RGS7: variants seen among roughly 807,000 people sequenced by gnomAD.
RGS7 encodes regulator of G protein signaling 7, also known as regulator of G-protein signaling 7.
RGS7 carries 27 observed loss-of-function variants against 81.1 expected under a neutral mutation model. The observed-to-expected ratio is 0.33, with a 90% confidence interval of 0.25 to 0.46. RGS7 has a LOEUF of 0.46. Ranked by LOEUF, RGS7 falls within the 20% of genes least tolerant of loss-of-function variation. The probability of loss-of-function intolerance (pLI) is 1.00; values close to 1 mark genes in which losing one functional copy is unlikely to be tolerated. For missense variants in RGS7, 396 were observed against 607.4 expected (o/e 0.65, Z 3.66); for synonymous variants, 208 against 207.7 (o/e 1.00, Z -0.01).
chr1:241,022,757 G>A (rs2059603377), intron 3 of RGS7, among the ~76,000 whole-genome samples: 1 of 152,146 alleles, frequency 6.6e-6, no homozygotes, highest in Admixed American at 6.5e-5. Context: ...CCAGCATCGT[G>A]ACACTTAAGC....
intron 4 of RGS7, among the ~76,000 whole-genome samples, chr1:240,956,774 G>A (rs1680502480): frequency 6.6e-6 from 1 of 151,774 alleles, no homozygotes; most frequent in African/African-American, 2.4e-5. Flanking sequence ...AGGATCCATG[G>A]TTTTCTGACG....
intron 4 of RGS7, among the ~76,000 whole-genome samples, chr1:240,954,414 T>A (rs955263041): frequency 1.3e-5 from 2 of 152,148 alleles, no homozygotes; most frequent in African/African-American, 4.8e-5. Flanking sequence ...AAGGGACTTA[T>A]TGCACATATG....
chr1:240,920,422 G>A (rs554992665), intron 6 of RGS7: 4 of 1,320,538 alleles, frequency 3.0e-6, no homozygotes, highest in East Asian at 2.3e-5. Flanking sequence ...GGAGGTGGTG[G>A]AAGCTACAAT....
At chr1:240,821,379 G>A (rs927042244) in intron 10 of RGS7, among the ~76,000 whole-genome samples, 6 of 152,164 alleles carry the variant, frequency 3.9e-5, no homozygotes, top group African/African-American at 7.2e-5. Flanking sequence ...TTGAACCTGC[G>A]AGGCAGAGGC....
intron 2 of RGS7, among the ~76,000 whole-genome samples, chr1:241,106,479 C>A (rs527241610): frequency 4.6e-5 from 7 of 152,004 alleles, no homozygotes; most frequent in Admixed American, 2.0e-4. Context: ...CTTGGGAAGC[C>A]GAGGCCAACG....
chr1:240,861,000 T>C (rs375804700), intron 9 of RGS7, among the ~76,000 whole-genome samples: 1 of 152,262 alleles, frequency 6.6e-6, no homozygotes, highest in African/African-American at 2.4e-5. Flanking sequence ...CTACTCAGAC[T>C]CAATATTTTG....
At chr1:241,131,839 T>C (rs938228495) in intron 2 of RGS7, among the ~76,000 whole-genome samples, 1 of 152,148 alleles carries the variant, frequency 6.6e-6, no homozygotes, top group African/African-American at 2.4e-5. Context: ...CATAATAAAA[T>C]GCAGAGGAAA....
chr1:240,816,029 C>T (rs1482984382), intron 11 of RGS7, among the ~76,000 whole-genome samples: 1 of 152,172 alleles, frequency 6.6e-6, no homozygotes, highest in Non-Finnish European at 1.5e-5. Context: ...ATGATGGAGT[C>T]ACTTACAAAT....
intron 3 of RGS7, among the ~76,000 whole-genome samples, chr1:241,034,406 G>C (rs2060231422): frequency 1.3e-5 from 2 of 152,190 alleles, no homozygotes; most frequent in South Asian, 4.1e-4. Context: ...TCACAGGGCA[G>C]GGGAAGGCAG....
chr1:240,919,740 AG>A (rs1447457923), intron 6 of RGS7: 3 of 638,756 alleles, frequency 4.7e-6, no homozygotes, highest in African/African-American at 1.8e-5. Context: ...TGAGAGCCTG[AG>A]GGGCCATTTT....
intron 2 of RGS7, among the ~76,000 whole-genome samples, chr1:241,205,404 C>T (rs2073813742): frequency 6.6e-6 from 1 of 151,564 alleles, no homozygotes; most frequent in Non-Finnish European, 1.5e-5. Context: ...TTTTTAACAT[C>T]TTTCTTATTC....
intron 18 of RGS7, among the ~76,000 whole-genome samples, chr1:240,778,964 TG>T (rs35348367): frequency 0.17 from 26,138 of 152,090 alleles, 3,018 homozygotes; most frequent in African/African-American, 0.33. Flanking sequence ...CACTCCTGCC[TG>T]CTCTGGTCTG....
rs185872109 is a variant in RGS7, at chr1:241,185,312, C to T, written c.79-86550G>A. Among the ~76,000 whole-genome samples, 379 of 152,098 alleles carry T rather than the reference C, an allele frequency of 2.5e-3. 1 individual carries two copies. The highest frequency in any genetic ancestry group is 9.0e-3 in the African/African-American group (372 of 41,514). Reference sequence around the variant, plus strand: ...TATTTTAATATGAAATCTCTATGACCACCTAACAACAGAGGTTCAAAATTC... The same window carrying T: ...TATTTTAATATGAAATCTCTATGACTACCTAACAACAGAGGTTCAAAATTC... On this transcript the variant is annotated intron_variant, in intron 2 of 18. Transcript: ENST00000440928.
At chr1:241,177,029 C>T (rs1017891373) in intron 2 of RGS7, among the ~76,000 whole-genome samples, 3 of 152,220 alleles carry the variant, frequency 2.0e-5, no homozygotes, top group African/African-American at 7.2e-5. Flanking sequence ...TACTGAGCAC[C>T]TGCTGTGTGC....
intron 2 of RGS7, among the ~76,000 whole-genome samples, chr1:241,150,605 G>C (rs1403048474): frequency 6.6e-6 from 1 of 152,210 alleles, no homozygotes; most frequent in Non-Finnish European, 1.5e-5. Flanking sequence ...CAATCCAAGA[G>C]AAAGGTTTTA....
At position 241,058,403 on chromosome 1, in the gene RGS7, A is replaced by T. The variant is rs114398872; in HGVS notation, c.175+40263T>A. On this transcript the variant is annotated intron_variant, in intron 3 of 18. Coordinates refer to ENST00000440928, the MANE Select transcript of RGS7 (RefSeq NM_001364886.1). The stretch of plus-strand genomic sequence containing the variant: ...GAAACATGCCAGCATAGAAAACCCT[A>T]AGTCCAAGGTCAAATAGGGCACTTG... Among the ~76,000 whole-genome samples the T allele has an allele frequency of 4.9e-3, 745 of 152,332 alleles. 1 individual carries two copies. Among genetic ancestry groups the T allele is most frequent in the African/African-American group, 0.017 (706 of 41,584 alleles).
chr1:241,234,188 T>A (rs1283117602), intron 2 of RGS7, among the ~76,000 whole-genome samples: 1 of 152,204 alleles, frequency 6.6e-6, no homozygotes, highest in Non-Finnish European at 1.5e-5. Flanking sequence ...AATTTTAAAC[T>A]ATACTAAATT....
At chr1:241,156,156 A>AGATG (rs1227574949) in intron 2 of RGS7, among the ~76,000 whole-genome samples, 1 of 151,338 alleles carries the variant, frequency 6.6e-6, no homozygotes, top group African/African-American at 2.5e-5. Context: ...ATAGATAGAT[A>AGATG]GATAGATAGA....
At position 241,315,107 on chromosome 1, in the gene RGS7, C is replaced by CTTTTTTTTTTTTTTT. The variant is rs5782184; in HGVS notation, c.78+40577_78+40591dup. On this transcript the variant is annotated intron_variant, in intron 2 of 18. Transcript: ENST00000440928. ...GAAGCTTTTTTTTTTTCTTCTTCTT[C>CTTTTTTTTTTTTTTT]TTTTTTTTTTTTTTTTTTTTTTTTT... 2.4e-4 allele frequency among the ~76,000 whole-genome samples: 14 copies of CTTTTTTTTTTTTTTT among 57,442 alleles called. 3 individuals are homozygous for CTTTTTTTTTTTTTTT. The highest frequency in any genetic ancestry group is 1.1e-3 in the East Asian group (2 of 1,806). The allele number at this position is 57,442 out of a possible 152,430, so 37.7% of individuals were successfully genotyped here.
Sources: allele counts gnomAD v4.1 joint callset (sites outside exome capture counted in the v4.1 genomes callset), GRCh38; gene constraint gnomAD v4.1.1; transcripts MANE v1.5; gene names NCBI Gene and HGNC (gene_info 2026-07-23, HGNC 2026-07-21).